TBC1D8: variants seen among roughly 807,000 people sequenced by gnomAD.
TBC1D8 encodes the protein TBC1 domain family member 8, also known as BUB2-like protein 1.
TBC1D8 carries 65 observed loss-of-function variants against 118.8 expected under a neutral mutation model. That is an observed-to-expected ratio of 0.55 (90% CI 0.45 to 0.67). TBC1D8 has a LOEUF of 0.67. Ranked by LOEUF, TBC1D8 falls within the 30% of genes least tolerant of loss-of-function variation. TBC1D8 has a pLI of 0.00. For synonymous variants in TBC1D8, 566 were observed against 595.8 expected, an observed-to-expected ratio of 0.95 and a Z score of 0.73; for missense variants, 1,376 against 1,471.2, an observed-to-expected ratio of 0.94 and a Z score of 1.06.
chr2:101,093,020 G>A (rs1312982147), intron 1 of TBC1D8, among the ~76,000 whole-genome samples: 1 of 152,064 alleles, frequency 6.6e-6, no homozygotes, highest in Non-Finnish European at 1.5e-5. Context: ...CTCCTCTTCA[G>A]ACTACTCAAC....
At chr2:101,127,063 G>A (rs1046243539) in intron 1 of TBC1D8, among the ~76,000 whole-genome samples, 6 of 152,176 alleles carry the variant, frequency 3.9e-5, no homozygotes, top group Non-Finnish European at 7.3e-5. Context: ...CTGGCCAGGC[G>A]CAGTGGTTGA....
chr2:101,074,144 C>T (rs1674654615), intron 2 of TBC1D8, among the ~76,000 whole-genome samples: 1 of 152,198 alleles, frequency 6.6e-6, no homozygotes, highest in Admixed American at 6.5e-5. Flanking sequence ...TCTTTTACTT[C>T]AGCACTAGAG....
chr2:101,089,765 C>T (rs928498742), intron 2 of TBC1D8, among the ~76,000 whole-genome samples: 6 of 152,036 alleles, frequency 3.9e-5, no homozygotes, highest in African/African-American at 1.4e-4. Flanking sequence ...TATGTGTATG[C>T]ATCCAGGAGC....
intron 1 of TBC1D8, among the ~76,000 whole-genome samples, chr2:101,149,817 C>T (rs1161474824): frequency 6.6e-6 from 1 of 152,214 alleles, no homozygotes; most frequent in African/African-American, 2.4e-5. Flanking sequence ...CAACTCCCTC[C>T]CCCAAAGCTC....
At chr2:101,016,770 T>C (rs1278273120) in intron 17 of TBC1D8, among the ~76,000 whole-genome samples, 1 of 152,186 alleles carries the variant, frequency 6.6e-6, no homozygotes, top group Non-Finnish European at 1.5e-5. Context: ...TCATGTCCTT[T>C]GTAGGGACAT....
At chr2:101,036,371 G>A (rs1222356978) in intron 8 of TBC1D8, among the ~76,000 whole-genome samples, 1 of 152,116 alleles carries the variant, frequency 6.6e-6, no homozygotes, top group South Asian at 2.1e-4. Context: ...ATAACACAGG[G>A]TAAGGCCCTG....
chr2:101,057,917 T>C (rs893115306), intron 3 of TBC1D8, among the ~76,000 whole-genome samples: 1 of 152,060 alleles, frequency 6.6e-6, no homozygotes, highest in Non-Finnish European at 1.5e-5. Context: ...TCTAGGAGAG[T>C]CAAGGACAAG....
intron 1 of TBC1D8, among the ~76,000 whole-genome samples, chr2:101,096,014 C>T (rs778076967): frequency 2.0e-5 from 3 of 152,280 alleles, no homozygotes; most frequent in South Asian, 2.1e-4. Context: ...ATGACAGTAA[C>T]GACAGCTGGA....
At chr2:101,017,971 A>G (rs562468510) in intron 17 of TBC1D8, 1 of 1,543,404 alleles carries the variant, frequency 6.5e-7, no homozygotes, top group African/African-American at 1.4e-5. Context: ...GTCATTATAG[A>G]GGATTCGAAC....
chr2:101,079,486 C>T (rs532732289), intron 2 of TBC1D8, among the ~76,000 whole-genome samples: 4 of 152,216 alleles, frequency 2.6e-5, no homozygotes, highest in African/African-American at 4.8e-5. Context: ...GCAATCCTCC[C>T]GCCTTAGCCT....
intron 2 of TBC1D8, among the ~76,000 whole-genome samples, chr2:101,084,023 T>C (rs1675433139): frequency 3.3e-5 from 5 of 152,194 alleles, no homozygotes; most frequent in Non-Finnish European, 7.3e-5. Flanking sequence ...CAAGGGATGT[T>C]CTGTGGGCAA....
chr2:101,022,036 G>A (rs1406226288), intron 16 of TBC1D8, among the ~76,000 whole-genome samples: 1 of 152,212 alleles, frequency 6.6e-6, no homozygotes, highest in Non-Finnish European at 1.5e-5. Flanking sequence ...CCACATCGTG[G>A]ATGCCAAGGA....
rs893492512 is a variant in TBC1D8 at position 101,128,706 on chromosome 2, T to A, written c.127+22421A>T. On this transcript the variant is annotated intron_variant, in intron 1 of 19. Coordinates refer to ENST00000409318, the MANE Select transcript of TBC1D8 (RefSeq NM_001330348.2). Reference sequence around the variant, plus strand: ...AGTAACCCAGGGGTCCCTCAATGAATAAATGAATGAATTCTTTAAATGTGG... The same window carrying A: ...AGTAACCCAGGGGTCCCTCAATGAAAAAATGAATGAATTCTTTAAATGTGG... Among the ~76,000 whole-genome samples, 8 of 152,124 alleles carry A rather than the reference T, an allele frequency of 5.3e-5. No homozygotes were observed. The East Asian group carries it at 1.5e-3, about 29-fold the overall frequency.
rs1678390010 is a variant in TBC1D8, at chr2:101,127,118, C to T, written c.127+24009G>A. 4.6e-5 allele frequency among the ~76,000 whole-genome samples: 7 copies of T among 152,188 alleles called. No individual in the cohort carries two copies. The South Asian group carries it at 1.2e-3, about 27-fold the overall frequency. On this transcript the variant is annotated intron_variant, in intron 1 of 19. Transcript: ENST00000409318. The stretch of plus-strand genomic sequence containing the variant: ...CTGGGAGGCCGAGGCAGGTGGATCA[C>T]GAGGTCAGGCATTCGAGACCAGCCT...
At chr2:101,113,987 T>C (rs756987868) in intron 1 of TBC1D8, among the ~76,000 whole-genome samples, 1 of 152,194 alleles carries the variant, frequency 6.6e-6, no homozygotes, top group African/African-American at 2.4e-5. Context: ...CAACTATCTA[T>C]TGAACACCCA....
intron 5 of TBC1D8, among the ~76,000 whole-genome samples, chr2:101,043,641 T>C (rs1344964058): frequency 6.6e-6 from 1 of 152,104 alleles, no homozygotes; most frequent in Non-Finnish European, 1.5e-5. Context: ...ATCCCTCAAA[T>C]TAAGAATAAG....
intron 2 of TBC1D8, among the ~76,000 whole-genome samples, chr2:101,088,565 C>T (rs1050219736): frequency 8.5e-5 from 13 of 152,112 alleles, no homozygotes; most frequent in African/African-American, 3.1e-4. Flanking sequence ...GGATTACAGG[C>T]GTGAGCCACC....
intron 9 of TBC1D8, among the ~76,000 whole-genome samples, chr2:101,034,449 A>AT (rs746693347): frequency 2.0e-5 from 3 of 152,234 alleles, no homozygotes; most frequent in Non-Finnish European, 4.4e-5. Context: ...CGGCGCCCAC[A>AT]TGCAACTCTG....
intron 5 of TBC1D8, among the ~76,000 whole-genome samples, chr2:101,041,468 G>A (rs2105401290): frequency 6.6e-6 from 1 of 152,274 alleles, no homozygotes; most frequent in South Asian, 2.1e-4. Context: ...CCATTAATAT[G>A]AAATATCCAG....
Sources: allele counts gnomAD v4.1 joint callset (sites outside exome capture counted in the v4.1 genomes callset), GRCh38; gene constraint gnomAD v4.1.1; transcripts MANE v1.5; gene names NCBI Gene and HGNC (gene_info 2026-07-23, HGNC 2026-07-21).